Variants in ZBTB10 observed in about 807,000 individuals in gnomAD.
ZBTB10 encodes the protein zinc finger and BTB domain-containing protein 10.
In ZBTB10, 32 loss-of-function variants were observed where a neutral mutation model predicts 76.4. The ratio of observed to expected loss-of-function variants is 0.42; its 90% CI spans 0.32 to 0.56. ZBTB10 has a LOEUF of 0.56. Among genes scored for constraint, ZBTB10 ranks in the 20% least tolerant of loss-of-function variants. The pLI is 0.14. For missense variants in ZBTB10, 1,057 were observed against 1,098.5 expected (o/e 0.96, Z 0.53); for synonymous variants, 523 against 432.9 (o/e 1.21, Z -2.58).
rs963404543 is a variant in ZBTB10 at position 80,487,282 on chromosome 8, C to T, written c.472C>T (p.Pro158Ser). 1.9e-6 allele frequency: 3 copies of T among 1,549,862 alleles called. No individual in the cohort carries two copies. Among genetic ancestry groups the T allele is most frequent in the South Asian group, 1.2e-5 (1 of 84,150 alleles). The change falls in exon 1 of 6, where the codon CCG (proline) becomes TCG (serine). Residue 158 changes from proline (P) to serine (S), a missense_variant. Physicochemically the swap from Pro to Ser is moderately conservative, Grantham distance 74. Transcript: ENST00000455036. Reference sequence around the variant, plus strand: ...CTTGAGGCATTTCAATGGGCGAGGGCCGGCGACTGTGGATCTGGAGCTGGA... The same window carrying T: ...CTTGAGGCATTTCAATGGGCGAGGGTCGGCGACTGTGGATCTGGAGCTGGA... Reference protein sequence around the residue: ...WPLRHFNGRGPATVDLELDAL... With the variant: ...WPLRHFNGRGSATVDLELDAL...
intron 1 of ZBTB10, among the ~76,000 whole-genome samples, chr8:80,490,571 C>G (rs1329317006): frequency 6.6e-6 from 1 of 152,132 alleles, no homozygotes; most frequent in Non-Finnish European, 1.5e-5. Context: ...ATCAGTTCTC[C>G]TTTTTATACC....
upstream of ZBTB10, chr8:80,485,910 C>T (rs1204365654): frequency 5.9e-6 from 9 of 1,530,248 alleles, no homozygotes; most frequent in East Asian, 2.2e-4. Flanking sequence ...GGGAGGCGGC[C>T]AGACCCTGAC....
chr8:80,486,777 G>GGGGCACC lies in ZBTB10; in HGVS notation c.-29_-23dup. On this transcript the variant is annotated 5_prime_UTR_variant, in exon 1 of 6. Transcript: ENST00000455036. ...CGCGGCCCGAGGCCGTGCGCGAGCC[G>GGGGCACC]GGGCACCGGGCGGCGGCGGCGGCGG... The GGGGCACC allele has an allele frequency of 1.5e-6, 2 of 1,364,162 alleles. No individual in the cohort carries two copies. Among genetic ancestry groups the GGGGCACC allele is most frequent in the Non-Finnish European group, 1.9e-6 (2 of 1,063,268 alleles). The allele number at this position is 1,364,162 out of a possible 1,614,324, so 84.5% of individuals were successfully genotyped here.
intron 2 of ZBTB10, among the ~76,000 whole-genome samples, chr8:80,505,105 A>G (rs2131498595): frequency 6.6e-6 from 1 of 152,344 alleles, no homozygotes; most frequent in South Asian, 2.1e-4. Flanking sequence ...TTTTGAAATG[A>G]CAAAAGAAAC....
Position 80,519,927 on chromosome 8 carries a change from A to C in ZBTB10, c.*399A>C, listed in dbSNP as rs942824374. On this transcript the variant is annotated 3_prime_UTR_variant, in exon 6 of 6. Transcript: ENST00000455036. ...AATTGACCCAATCACTCTGTCCATC[A>C]AACCACTCAGGCTAGTTTGTACTAG... is the stretch of plus-strand genomic sequence containing the variant. 6.4e-6 allele frequency: 1 copy of C among 156,620 alleles called. No individual in the cohort carries two copies. Among genetic ancestry groups the C allele is most frequent in the African/African-American group, 2.4e-5 (1 of 41,476 alleles). 9.7% of individuals were successfully genotyped at this position (156,620 alleles called of 1,614,324 possible).
At chr8:80,490,891 G>A (rs776161731) in intron 1 of ZBTB10, among the ~76,000 whole-genome samples, 16 of 152,184 alleles carry the variant, frequency 1.1e-4, no homozygotes, top group Admixed American at 3.9e-4. Context: ...TTATAGCGGA[G>A]CTGAAAAATT....
chr8:80,525,489 TAAACAC>T lies in ZBTB10; in HGVS notation c.*5964_*5969del, dbSNP rs1816543680. On this transcript the variant is annotated 3_prime_UTR_variant, in exon 6 of 6. Coordinates refer to ENST00000455036, the MANE Select transcript of ZBTB10 (RefSeq NM_001105539.3). ...TATGTGTTAGAATCTTGGTGAAAGA[TAAACAC>T]AAGACAGTCTTCTTGGCGCAGGTCC... 1 of 152,136 alleles carries T rather than the reference TAAACAC, an allele frequency of 6.6e-6. No homozygotes were observed. Among genetic ancestry groups the T allele is most frequent in the Non-Finnish European group, 1.5e-5 (1 of 67,986 alleles). 9.4% of individuals were successfully genotyped at this position (152,136 alleles called of 1,614,324 possible).
chr8:80,515,558 A>G (rs1350965671), intron 3 of ZBTB10, among the ~76,000 whole-genome samples: 1 of 152,108 alleles, frequency 6.6e-6, no homozygotes, highest in Non-Finnish European at 1.5e-5. Context: ...CTAACCGCGC[A>G]AGAAGATGTT....
At chr8:80,501,478 G>GT (rs1364294389) in intron 2 of ZBTB10, among the ~76,000 whole-genome samples, 2 of 152,098 alleles carry the variant, frequency 1.3e-5, no homozygotes, top group South Asian at 2.1e-4. Context: ...TTTAATGCTT[G>GT]TTTTTTTCAC....
intron 2 of ZBTB10, among the ~76,000 whole-genome samples, chr8:80,503,736 G>C (rs1815981946): frequency 1.3e-5 from 2 of 152,070 alleles, no homozygotes; most frequent in Non-Finnish European, 2.9e-5. Flanking sequence ...TGGCCAGGCT[G>C]GTCTCAAAAA....
intron 2 of ZBTB10, among the ~76,000 whole-genome samples, chr8:80,511,182 A>G (rs1816182767): frequency 6.6e-6 from 1 of 152,234 alleles, no homozygotes; most frequent in Non-Finnish European, 1.5e-5. Context: ...CACAAGACAA[A>G]TATACTTGAT....
intron 2 of ZBTB10, among the ~76,000 whole-genome samples, chr8:80,507,050 C>A (rs1182268895): frequency 6.6e-6 from 1 of 152,178 alleles, no homozygotes. Context: ...TGGCTCGCGC[C>A]TGTAATCCCA....
intron 1 of ZBTB10, among the ~76,000 whole-genome samples, chr8:80,493,288 T>G (rs1815692418): frequency 6.8e-6 from 1 of 147,130 alleles, no homozygotes; most frequent in Non-Finnish European, 1.5e-5. Context: ...AAGGGAGAGT[T>G]TGGTTGCTGT....
At chr8:80,512,432 C>T (rs1046355444) in intron 2 of ZBTB10, among the ~76,000 whole-genome samples, 1 of 152,062 alleles carries the variant, frequency 6.6e-6, no homozygotes, top group Non-Finnish European at 1.5e-5. Context: ...AATTTTCGGC[C>T]GGGTGCTGTG....
At chr8:80,499,179 AAAT>A (rs750775077) in intron 1 of ZBTB10, among the ~76,000 whole-genome samples, 1 of 152,214 alleles carries the variant, frequency 6.6e-6, no homozygotes, top group Non-Finnish European at 1.5e-5. Flanking sequence ...TTTCTTAAGA[AAAT>A]AATTGCTCTT....
chr8:80,491,682 A>G (rs923239884), intron 1 of ZBTB10, among the ~76,000 whole-genome samples: 1 of 152,248 alleles, frequency 6.6e-6, no homozygotes, highest in South Asian at 2.1e-4. Context: ...AATTGACTAC[A>G]TCGTCAGAGT....
At chr8:80,517,401 A>G (rs149328426) in intron 3 of ZBTB10, among the ~76,000 whole-genome samples, 1 of 152,296 alleles carries the variant, frequency 6.6e-6, no homozygotes, top group East Asian at 1.9e-4. Flanking sequence ...TTAAAGATGG[A>G]ATTAAATCCA....
chr8:80,495,760 T>C (rs1399965152), intron 1 of ZBTB10, among the ~76,000 whole-genome samples: 2 of 152,206 alleles, frequency 1.3e-5, no homozygotes, highest in African/African-American at 4.8e-5. Flanking sequence ...TAGCCTATGT[T>C]CTGGAAATAT....
chr8:80,524,467 C>T lies in ZBTB10; in HGVS notation c.*4939C>T, dbSNP rs1816510788. 6.6e-6 allele frequency: 1 copy of T among 152,056 alleles called. No homozygotes were observed. The highest frequency in any genetic ancestry group is 1.5e-5 in the Non-Finnish European group (1 of 67,964). 9.4% of individuals were successfully genotyped at this position (152,056 alleles called of 1,614,324 possible). ...TGTTGTATATTTGTGGACTGATTGACTACAAGTGATGTGATGTTATAAATT... is the reference window on the plus strand; with the variant it reads ...TGTTGTATATTTGTGGACTGATTGATTACAAGTGATGTGATGTTATAAATT... On this transcript the variant is annotated 3_prime_UTR_variant, in exon 6 of 6. Transcript: ENST00000455036.
Sources: allele counts gnomAD v4.1 joint callset (sites outside exome capture counted in the v4.1 genomes callset), GRCh38; gene constraint gnomAD v4.1.1; transcripts MANE v1.5; gene names NCBI Gene and HGNC (gene_info 2026-07-23, HGNC 2026-07-21).